CHRM3: variants seen among roughly 807,000 people sequenced by gnomAD.
CHRM3 encodes the protein muscarinic acetylcholine receptor M3.
Under a neutral mutation model 41.8 loss-of-function variants are expected in CHRM3, and 11 were observed. The observed-to-expected ratio is 0.26, with a 90% confidence interval of 0.17 to 0.44. The LOEUF (loss-of-function observed/expected upper bound fraction) is 0.44. Ranked by LOEUF, CHRM3 falls within the 20% of genes least tolerant of loss-of-function variation. The pLI is 1.00. For missense variants in CHRM3, 571 were observed against 745.4 expected, an observed-to-expected ratio of 0.77 and a Z score of 2.72; for synonymous variants, 297 against 301.4, an observed-to-expected ratio of 0.99 and a Z score of 0.15.
At chr1:239,452,949 C>G (rs1397589673) in intron 1 of CHRM3, among the ~76,000 whole-genome samples, 3 of 152,070 alleles carry the variant, frequency 2.0e-5, no homozygotes, top group African/African-American at 7.2e-5. Context: ...TACAGGCACG[C>G]ACCACCATGC....
At chr1:239,422,153 C>T (rs1403097363) in intron 1 of CHRM3, among the ~76,000 whole-genome samples, 1 of 152,142 alleles carries the variant, frequency 6.6e-6, no homozygotes, top group Non-Finnish European at 1.5e-5. Context: ...GCTTTTACTT[C>T]ATGCAATAAC....
At chr1:239,476,592 G>A (rs1360035352) in intron 1 of CHRM3, among the ~76,000 whole-genome samples, 1 of 152,056 alleles carries the variant, frequency 6.6e-6, no homozygotes, top group African/African-American at 2.4e-5. Context: ...CTGAGAAAGA[G>A]CTCTCCCTTT....
chr1:239,752,488 A>G (rs1665911465), intron 5 of CHRM3, among the ~76,000 whole-genome samples: 1 of 152,232 alleles, frequency 6.6e-6, no homozygotes, highest in South Asian at 2.1e-4. Context: ...GTGAGTGGAA[A>G]TAAATAGCTT....
At chr1:239,592,902 G>A (rs1374059608) in intron 3 of CHRM3, among the ~76,000 whole-genome samples, 1 of 151,626 alleles carries the variant, frequency 6.6e-6, no homozygotes, top group Non-Finnish European at 1.5e-5. Context: ...GTTCTTTTTT[G>A]TTGGACTCAT....
chr1:239,390,474 T>C (rs1658928565), intron 1 of CHRM3, among the ~76,000 whole-genome samples: 1 of 152,190 alleles, frequency 6.6e-6, no homozygotes, highest in Non-Finnish European at 1.5e-5. Context: ...TCTTCTCCAT[T>C]AGGGAATATA....
intron 6 of CHRM3, among the ~76,000 whole-genome samples, chr1:239,852,917 T>C (rs1354440960): frequency 6.6e-6 from 1 of 152,150 alleles, no homozygotes; most frequent in East Asian, 1.9e-4. Context: ...TGTTTACGTC[T>C]TTGTTTTCTC....
At chr1:239,904,968 C>T (rs893008462) in intron 6 of CHRM3, among the ~76,000 whole-genome samples, 1 of 152,144 alleles carries the variant, frequency 6.6e-6, no homozygotes, top group African/African-American at 2.4e-5. Flanking sequence ...AGTCAGACAG[C>T]TCCTGAGATC....
At chr1:239,892,164 T>TG (rs1678607555) in intron 6 of CHRM3, among the ~76,000 whole-genome samples, 1 of 152,366 alleles carries the variant, frequency 6.6e-6, no homozygotes, top group African/African-American at 2.4e-5. Flanking sequence ...GCCTGTTGTT[T>TG]TTAATCCCGT....
chr1:239,714,885 G>A (rs1211625614), intron 5 of CHRM3, among the ~76,000 whole-genome samples: 2 of 152,126 alleles, frequency 1.3e-5, no homozygotes, highest in East Asian at 3.9e-4. Flanking sequence ...TGAGAGAGAT[G>A]TGAGAGAGAC....
At chr1:239,547,442 AGT>A (rs1659401275) in intron 3 of CHRM3, among the ~76,000 whole-genome samples, 1 of 152,220 alleles carries the variant, frequency 6.6e-6, no homozygotes, top group South Asian at 2.1e-4. Context: ...GTTATCAGTC[AGT>A]TCCCTGGGGA....
intron 3 of CHRM3, among the ~76,000 whole-genome samples, chr1:239,564,708 G>C (rs920742133): frequency 6.6e-6 from 1 of 152,060 alleles, no homozygotes; most frequent in Non-Finnish European, 1.5e-5. Context: ...TTACCCCACA[G>C]TCATTAAGGA....
At chr1:239,398,126 C>T (rs990652772) in intron 1 of CHRM3, among the ~76,000 whole-genome samples, 1 of 152,110 alleles carries the variant, frequency 6.6e-6, no homozygotes, top group Non-Finnish European at 1.5e-5. Context: ...GCAAAGGAGA[C>T]TGTATCTTAT....
At chr1:239,707,476 G>A (rs1661311160) in intron 5 of CHRM3, 1 of 152,106 alleles carries the variant, frequency 6.6e-6, no homozygotes, top group Non-Finnish European at 1.5e-5. Context: ...TCAATGTTCT[G>A]AATTATGAGC....
chr1:239,679,957 C>A (rs913683883), intron 5 of CHRM3, among the ~76,000 whole-genome samples: 1 of 152,058 alleles, frequency 6.6e-6, no homozygotes, highest in African/African-American at 2.4e-5. Flanking sequence ...CCGGCTTCAC[C>A]GCAGAAGATT....
At chr1:239,539,215 A>C (rs891743599) in intron 2 of CHRM3, among the ~76,000 whole-genome samples, 48 of 152,290 alleles carry the variant, frequency 3.2e-4, no homozygotes, top group African/African-American at 1.1e-3. Context: ...TTCTTTGTTA[A>C]AAGATGCTTT....
chr1:239,669,105 G>A (rs554130226), intron 4 of CHRM3, among the ~76,000 whole-genome samples: 4 of 152,210 alleles, frequency 2.6e-5, no homozygotes, highest in East Asian at 1.9e-4. Context: ...CCTTGGTGCC[G>A]GGGCTGGAAT....
chr1:239,602,090 A>ATATGTGTGTGTGTGTGTG (rs371232279), intron 3 of CHRM3, among the ~76,000 whole-genome samples: 4,313 of 131,148 alleles, frequency 0.033, 214 homozygotes, highest in African/African-American at 0.096. Flanking sequence ...ACATATATAC[A>ATATGTGTGTGTGTGTGTG]TGTGTGTGTG....
chr1:239,518,992 A>G (rs559822197), intron 2 of CHRM3, among the ~76,000 whole-genome samples: 1 of 152,334 alleles, frequency 6.6e-6, no homozygotes, highest in African/African-American at 2.4e-5. Context: ...TCAAAGGGAA[A>G]ATAGCATTTC....
Position 239,531,639 on chromosome 1 carries a change from A to ATTTTTTT in CHRM3, c.-421-13971_-421-13965dup, listed in dbSNP as rs58433814. Among the ~76,000 whole-genome samples the ATTTTTTT allele has an allele frequency of 5.7e-4, 32 of 55,900 alleles. 13 individuals are homozygous for ATTTTTTT. The highest frequency in any genetic ancestry group is 1.7e-3 in the African/African-American group (19 of 11,330). 36.7% of individuals were successfully genotyped at this position (55,900 alleles called of 152,430 possible). A position where few individuals can be genotyped will look rare whatever the true frequency, so the allele number is the denominator to read the frequency against. On this transcript the variant is annotated intron_variant, in intron 2 of 6. Coordinates refer to ENST00000676153, the MANE Select transcript of CHRM3 (RefSeq NM_001375978.1). Reference sequence around the variant, plus strand: ...ATAAAAACTAATCTCTCTAGAATGGATTTTTTTTTTTTTTTTTTTTTTTTT... The same window carrying ATTTTTTT: ...ATAAAAACTAATCTCTCTAGAATGGATTTTTTTTTTTTTTTTTTTTTTTTTTTTTTTT...
Sources: allele counts gnomAD v4.1 joint callset (sites outside exome capture counted in the v4.1 genomes callset), GRCh38; gene constraint gnomAD v4.1.1; transcripts MANE v1.5; gene names NCBI Gene and HGNC (gene_info 2026-07-23, HGNC 2026-07-21).